Variants in FAM3C observed in about 807,000 individuals in gnomAD.
FAM3C encodes FAM3 metabolism regulating signaling molecule C, also known as protein FAM3C.
Under a neutral mutation model 32.5 loss-of-function variants are expected in FAM3C, and 15 were observed. The observed-to-expected ratio is 0.46, with a 90% CI of 0.31 to 0.71. The LOEUF (loss-of-function observed/expected upper bound fraction) is 0.71. Ranked by LOEUF, FAM3C falls within the 30% of genes least tolerant of loss-of-function variation. FAM3C has a pLI of 0.05. For missense variants in FAM3C, 175 were observed against 274.4 expected (o/e 0.64, Z 2.56); for synonymous variants, 75 against 86.1 (o/e 0.87, Z 0.72).
chr7:121,376,012 C>T (rs980061117), intron 3 of FAM3C, among the ~76,000 whole-genome samples: 1 of 152,220 alleles, frequency 6.6e-6, no homozygotes, highest in African/African-American at 2.4e-5. Context: ...ATTAGCTATG[C>T]ACATTGCTTC....
chr7:121,392,019 AAAC>A (rs1794587448), intron 1 of FAM3C, among the ~76,000 whole-genome samples: 1 of 152,182 alleles, frequency 6.6e-6, no homozygotes, highest in South Asian at 2.1e-4. Context: ...AGACCAAATA[AAAC>A]AACTGTATAA....
intron 5 of FAM3C, among the ~76,000 whole-genome samples, chr7:121,368,332 A>T (rs535819849): frequency 2.2e-4 from 33 of 152,334 alleles, no homozygotes; most frequent in African/African-American, 7.7e-4. Flanking sequence ...AACTGCCCCC[A>T]TTGAGACACA....
At chr7:121,367,355 C>G (rs191307367) in intron 5 of FAM3C, among the ~76,000 whole-genome samples, 3 of 152,264 alleles carry the variant, frequency 2.0e-5, no homozygotes, top group African/African-American at 7.2e-5. Flanking sequence ...CTATAGCTCA[C>G]GAGCCAAATC....
At chr7:121,384,943 C>G (rs1794437634) in intron 1 of FAM3C, among the ~76,000 whole-genome samples, 1 of 151,948 alleles carries the variant, frequency 6.6e-6, no homozygotes, top group Non-Finnish European at 1.5e-5. Context: ...TCCTATTTGT[C>G]TTCTTAGAGG....
At chr7:121,366,068 A>T (rs1794019244) in intron 5 of FAM3C, among the ~76,000 whole-genome samples, 1 of 152,170 alleles carries the variant, frequency 6.6e-6, no homozygotes, top group African/African-American at 2.4e-5. Flanking sequence ...AAGGATGTGG[A>T]GAAATTGGAA....
At chr7:121,351,026 T>C (rs1020990226) in intron 9 of FAM3C, 117 bp downstream of exon 9, 4 of 925,896 alleles carry the variant, frequency 4.3e-6, no homozygotes, top group Non-Finnish European at 6.5e-6. Flanking sequence ...TTATGACAAA[T>C]ATATGATCAT....
chr7:121,359,923 G>A (rs1793885780), intron 8 of FAM3C, 120 bp downstream of exon 8: 3 of 637,188 alleles, frequency 4.7e-6, no homozygotes, highest in Admixed American at 2.8e-5. Context: ...AAAATTGTTA[G>A]TTGTGTTTAC....
At chr7:121,373,512 AT>A (rs1025914607) in intron 3 of FAM3C, among the ~76,000 whole-genome samples, 1 of 152,212 alleles carries the variant, frequency 6.6e-6, no homozygotes, top group Non-Finnish European at 1.5e-5. Context: ...GATAGCTTCA[AT>A]GCTTAATTTC....
At chr7:121,372,202 A>T in intron 3 of FAM3C, 63 bp from the exon 4 acceptor site, 1 of 1,126,678 alleles carries the variant, frequency 8.9e-7, no homozygotes, top group Non-Finnish European at 1.3e-6. Flanking sequence ...CCACTTTTAA[A>T]ATATATTTAG....
intron 9 of FAM3C, 27 bp from the exon 10 acceptor site, chr7:121,350,577 G>GTTA (rs1793684565): frequency 2.5e-6 from 4 of 1,607,874 alleles, no homozygotes; most frequent in Non-Finnish European, 3.4e-6. Flanking sequence ...ATAATATACA[G>GTTA]TTTAAAAAAC....
intron 8 of FAM3C, among the ~76,000 whole-genome samples, chr7:121,357,234 T>A (rs540783165): frequency 6.6e-6 from 1 of 151,560 alleles, no homozygotes; most frequent in African/African-American, 2.4e-5. Context: ...AGAGAGAGAG[T>A]GAGTGAGTCA....
intron 3 of FAM3C, among the ~76,000 whole-genome samples, chr7:121,377,922 G>A (rs887476164): frequency 4.1e-4 from 62 of 152,128 alleles, no homozygotes; most frequent in Non-Finnish European, 1.2e-4. Context: ...AAAAATCACC[G>A]AATGATGCAT....
In FAM3C at chr7:121,372,118, G is replaced by T; in HGVS notation, c.140C>A (p.Ala47Asp). ...NLFARSALDT[A>D]ARSTKPPRYK... ...TGAGATGAAATACTTACAACGTGCA[G>T]CTGTGTCCAATGCTGATCTTGCTGA... The change falls in exon 4 of 10, where the codon GCT (alanine) becomes GAT (aspartate). Residue 47 changes from alanine to aspartate, a missense_variant. Physicochemically the swap from Ala to Asp is moderately radical, Grantham distance 126 (BLOSUM62 -2). Coordinates refer to ENST00000359943, the MANE Select transcript of FAM3C (RefSeq NM_014888.3). 6.2e-7 allele frequency: 1 copy of T among 1,608,030 alleles called. No individual in the cohort carries two copies. The highest frequency in any genetic ancestry group is 8.5e-7 in the Non-Finnish European group (1 of 1,175,788).
At chr7:121,393,579 A>G (rs1186668254) in intron 1 of FAM3C, among the ~76,000 whole-genome samples, 2 of 152,204 alleles carry the variant, frequency 1.3e-5, no homozygotes, top group Admixed American at 6.5e-5. Context: ...AGGGAAATAT[A>G]AGAATAGCTT....
intron 3 of FAM3C, among the ~76,000 whole-genome samples, chr7:121,376,902 T>A (rs1341563906): frequency 6.6e-6 from 1 of 152,132 alleles, no homozygotes; most frequent in African/African-American, 2.4e-5. Flanking sequence ...AAATCTACGT[T>A]TACTAAGATT....
At chr7:121,358,503 T>C (rs1793855403) in intron 8 of FAM3C, among the ~76,000 whole-genome samples, 1 of 151,992 alleles carries the variant, frequency 6.6e-6, no homozygotes, top group Non-Finnish European at 1.5e-5. Context: ...CAGAGAGGCA[T>C]GAAGTACAAT....
intron 2 of FAM3C, 68 bp from the exon 3 acceptor site, chr7:121,379,082 A>G (rs1794298346): frequency 1.2e-6 from 1 of 856,756 alleles, no homozygotes; most frequent in South Asian, 1.7e-5. Flanking sequence ...ATTTCTATGA[A>G]AAATGTTTAT....
chr7:121,363,531 T>G (rs1346399609), intron 6 of FAM3C, among the ~76,000 whole-genome samples: 2 of 152,180 alleles, frequency 1.3e-5, no homozygotes, highest in Non-Finnish European at 2.9e-5. Flanking sequence ...GAAACTACAG[T>G]GGTTTCTAAC....
chr7:121,384,134 C>T (rs1417295253), intron 1 of FAM3C, among the ~76,000 whole-genome samples: 1 of 152,098 alleles, frequency 6.6e-6, no homozygotes, highest in African/African-American at 2.4e-5. Context: ...AAGTCCAATG[C>T]TCTTAGGCTA....
Sources: gnomAD v4.1 joint callset for allele counts (sites outside exome capture counted in the v4.1 genomes callset) on GRCh38, gnomAD v4.1.1 for gene constraint, MANE v1.5 for transcripts, NCBI Gene and HGNC (gene_info 2026-07-23, HGNC 2026-07-21) for gene names.